ONECUT2: variants seen among roughly 807,000 people sequenced by gnomAD.
ONECUT2 encodes the protein one cut domain family member 2.
Under a neutral mutation model 27.9 loss-of-function variants are expected in ONECUT2, and 10 were observed. The observed-to-expected ratio is 0.36, with a 90% CI of 0.22 to 0.61. The LOEUF (loss-of-function observed/expected upper bound fraction) is 0.61, where lower values mean the gene tolerates loss of function less well. ONECUT2 is among the 20% of genes least tolerant of loss of function. The pLI is 0.73. For synonymous variants in ONECUT2, 334 were observed against 315.1 expected (o/e 1.06, Z -0.64); for missense variants, 686 against 721.0 (o/e 0.95, Z 0.56).
At position 57,435,681 on chromosome 18, in the gene ONECUT2, C is replaced by A. The variant is rs768705645; in HGVS notation, c.-36C>A. On this transcript the variant is annotated 5_prime_UTR_variant, in exon 1 of 2. Transcript: ENST00000491143. ...GCCTTGCCCGCCCGCCGGCCGCCCC[C>A]GCCGCCCCCGCCGCCCCCGGGCCCT... The A allele has an allele frequency of 3.9e-6, 4 of 1,022,984 alleles. No homozygotes were observed. Among genetic ancestry groups the A allele is most frequent in the East Asian group, 2.0e-4 (2 of 10,024 alleles). The allele number at this position is 1,022,984 out of a possible 1,614,324, so 63.4% of individuals were successfully genotyped here. A position where few individuals can be genotyped will look rare whatever the true frequency, so the allele number is the denominator to read the frequency against.
rs76039478 is a variant in ONECUT2 at position 57,477,268 on chromosome 18, C to CATA, written c.*546_*547insTAA. 0.96 allele frequency: 146,979 copies of CATA among 152,574 alleles called. 71,034 individuals carry two copies. The highest frequency in any genetic ancestry group is 1 in the East Asian group (5,182 of 5,182). The allele number at this position is 152,574 out of a possible 1,614,324, so 9.5% of individuals were successfully genotyped here. On this transcript the variant is annotated 3_prime_UTR_variant, in exon 2 of 2. Coordinates refer to ENST00000491143, the MANE Select transcript of ONECUT2 (RefSeq NM_004852.3). Reference sequence around the variant, plus strand: ...ACCATGTTATGTCCAAGTTCACAGCCACAACATCAGAATGGTAATTACTGA... The same window carrying CATA: ...ACCATGTTATGTCCAAGTTCACAGCCATAACAACATCAGAATGGTAATTACTGA...
Position 57,435,664 on chromosome 18 carries a change from C to T in ONECUT2, c.-53C>T. 1 of 1,010,794 alleles carries T rather than the reference C, an allele frequency of 9.9e-7. No homozygotes were observed. Among genetic ancestry groups the T allele is most frequent in the South Asian group, 4.2e-5 (1 of 23,604 alleles). 62.6% of individuals were successfully genotyped at this position (1,010,794 alleles called of 1,614,324 possible). ...CGAGCCCCGCCACGCGCGCCTTGCC[C>T]GCCCGCCGGCCGCCCCCGCCGCCCC... On this transcript the variant is annotated 5_prime_UTR_variant, in exon 1 of 2. Transcript: ENST00000491143.
At chr18:57,468,204 G>T (rs1344310562) in intron 1 of ONECUT2, among the ~76,000 whole-genome samples, 1 of 152,182 alleles carries the variant, frequency 6.6e-6, no homozygotes, top group East Asian at 1.9e-4. Context: ...AATGGATGTT[G>T]GTCTGGACGT....
In ONECUT2 at chr18:57,476,924, T is replaced by G; in HGVS notation, c.*201T>G. 1 of 627,524 alleles carries G rather than the reference T, an allele frequency of 1.6e-6. No homozygotes were observed. The highest frequency in any genetic ancestry group is 2.7e-6 in the Non-Finnish European group (1 of 367,842). 38.9% of individuals were successfully genotyped at this position (627,524 alleles called of 1,614,324 possible). A position where few individuals can be genotyped will look rare whatever the true frequency, so the allele number is the denominator to read the frequency against. ...TCTTTTGTTTTTAATGGCTATGGAG[T>G]CCAAGTGCAAGCTGAAAAATTAATC... On this transcript the variant is annotated 3_prime_UTR_variant, in exon 2 of 2. Transcript: ENST00000491143.
intron 1 of ONECUT2, among the ~76,000 whole-genome samples, chr18:57,465,713 A>G (rs1304099838): frequency 6.6e-6 from 1 of 152,046 alleles, no homozygotes; most frequent in East Asian, 1.9e-4. Flanking sequence ...CTGTTTATTC[A>G]TTCTCAAATG....
chr18:57,442,244 G>GTTTT (rs796717767), intron 1 of ONECUT2, among the ~76,000 whole-genome samples: 1,797 of 112,090 alleles, frequency 0.016, 36 homozygotes, highest in African/African-American at 0.049. Flanking sequence ...ATTCTTCTGG[G>GTTTT]TTTTTTTTTT....
rs1260237309 is a variant in ONECUT2, at chr18:57,436,085, C to T, written c.369C>T (p.Leu123=). Residue 123 remains leucine, a synonymous_variant, in exon 1 of 2, where the codon CTC becomes CTT. Transcript: ENST00000491143. This position sits in a 1 kb window ranked among gnomAD's most constrained non-coding sequence, Gnocchi z 5.9. ...ILDGGDYRPE[L]SIPLHHAMSM... ...ACGGCGGCGACTACCGGCCCGAGCT[C>T]TCCATCCCGCTGCACCACGCCATGA... 2 of 1,599,014 alleles carry T rather than the reference C, an allele frequency of 1.3e-6. No individual in the cohort carries two copies. Among genetic ancestry groups the T allele is most frequent in the Non-Finnish European group, 1.7e-6 (2 of 1,179,402 alleles).
Position 57,490,167 on chromosome 18 carries a change from A to G in ONECUT2, c.*13444A>G, listed in dbSNP as rs892493872. The G allele has an allele frequency of 2.0e-5, 3 of 152,220 alleles. No homozygotes were observed. Among genetic ancestry groups the G allele is most frequent in the African/African-American group, 7.2e-5 (3 of 41,528 alleles). 9.4% of individuals were successfully genotyped at this position (152,220 alleles called of 1,614,324 possible). ...TTTCTATTCAAATTTTTCCACCCAG[A>G]CAATACTTTATTAACACAGATACTG... On this transcript the variant is annotated 3_prime_UTR_variant, in exon 2 of 2. Transcript: ENST00000491143.
At chr18:57,449,167 GTCC>G (rs1391429127) in intron 1 of ONECUT2, among the ~76,000 whole-genome samples, 1 of 152,134 alleles carries the variant, frequency 6.6e-6, no homozygotes, top group African/African-American at 2.4e-5. Flanking sequence ...AGTTTTCTCT[GTCC>G]TCCTAAATTG....
At chr18:57,443,294 G>A (rs1378158566) in intron 1 of ONECUT2, among the ~76,000 whole-genome samples, 1 of 152,180 alleles carries the variant, frequency 6.6e-6, no homozygotes, top group Non-Finnish European at 1.5e-5. Context: ...GGAGGGTGAA[G>A]ACAGAGGCAC....
In ONECUT2 at chr18:57,490,141, CT is replaced by C. The variant is rs2050457965; in HGVS notation, c.*13421del. On this transcript the variant is annotated 3_prime_UTR_variant, in exon 2 of 2. Transcript: ENST00000491143. ...AAGAGCTGGTCCATTTTTTTTCATT[CT>C]TTCTATTCAAATTTTTCCACCCAGA... 6.6e-6 allele frequency: 1 copy of C among 151,944 alleles called. No individual in the cohort carries two copies. The highest frequency in any genetic ancestry group is 6.6e-5 in the Admixed American group (1 of 15,256). 9.4% of individuals were successfully genotyped at this position (151,944 alleles called of 1,614,324 possible).
chr18:57,467,073 C>T (rs188715918), intron 1 of ONECUT2: 5 of 425,596 alleles, frequency 1.2e-5, no homozygotes, highest in Admixed American at 7.6e-5. Context: ...CGTGAGACAT[C>T]CAAGAGCCCT....
chr18:57,469,952 A>G (rs2050344262), intron 1 of ONECUT2, among the ~76,000 whole-genome samples: 1 of 152,198 alleles, frequency 6.6e-6, no homozygotes, highest in African/African-American at 2.4e-5. Flanking sequence ...TGAGCTTCTT[A>G]CAGTACATTT....
At chr18:57,443,355 C>A (rs544425184) in intron 1 of ONECUT2, among the ~76,000 whole-genome samples, 6 of 152,240 alleles carry the variant, frequency 3.9e-5, no homozygotes, top group African/African-American at 1.4e-4. Context: ...GACTTCTGAC[C>A]CTTTTAGGGA....
At chr18:57,476,092 G>A (rs576157629) in intron 1 of ONECUT2, among the ~76,000 whole-genome samples, 12 of 152,296 alleles carry the variant, frequency 7.9e-5, no homozygotes, top group East Asian at 1.9e-4. Flanking sequence ...CCACCCTGGC[G>A]TCTGGAGTCC....
At chr18:57,476,180 A>C (rs1309023415) in intron 1 of ONECUT2, among the ~76,000 whole-genome samples, 1 of 152,212 alleles carries the variant, frequency 6.6e-6, no homozygotes, top group Non-Finnish European at 1.5e-5. Flanking sequence ...GTAAAAGGGA[A>C]AGACAACTGC....
chr18:57,461,232 A>G (rs1384886301), intron 1 of ONECUT2, among the ~76,000 whole-genome samples: 1 of 151,804 alleles, frequency 6.6e-6, no homozygotes, highest in Admixed American at 6.5e-5. Context: ...CTTTTTTCCA[A>G]CATTATCTTC....
intron 1 of ONECUT2, among the ~76,000 whole-genome samples, chr18:57,467,973 C>T (rs1377410160): frequency 1.3e-5 from 2 of 152,228 alleles, no homozygotes; most frequent in Admixed American, 6.5e-5. Context: ...AATATCTGCT[C>T]TAATAAGCCA....
chr18:57,444,164 G>A (rs1159530300), intron 1 of ONECUT2, among the ~76,000 whole-genome samples: 1 of 152,176 alleles, frequency 6.6e-6, no homozygotes, highest in Admixed American at 6.5e-5. Context: ...ACTTAAGAAA[G>A]GGCAGAAGAA....
Sources: gnomAD v4.1 joint callset for allele counts (sites outside exome capture counted in the v4.1 genomes callset) on GRCh38, gnomAD v4.1.1 for gene constraint, Gnocchi (gnomAD v3.1) non-coding constraint, MANE v1.5 for transcripts, NCBI Gene and HGNC (gene_info 2026-07-23, HGNC 2026-07-21) for gene names.